PLEKHH2: variants seen among roughly 807,000 people sequenced by gnomAD.
PLEKHH2 encodes the protein pleckstrin homology, MyTH4 and FERM domain containing H2.
A neutral mutation model predicts 187.9 loss-of-function variants in PLEKHH2; 129 were observed. That is an observed-to-expected ratio of 0.69 (90% CI 0.59 to 0.79). The LOEUF (loss-of-function observed/expected upper bound fraction) is 0.79, where lower values mean the gene tolerates loss of function less well. Ranked by LOEUF, PLEKHH2 falls within the 30% of genes least tolerant of loss-of-function variation. The pLI, the probability that PLEKHH2 is intolerant of heterozygous loss-of-function variation, is 0.00. For synonymous variants in PLEKHH2, 686 were observed against 605.6 expected (o/e 1.13, Z -1.95); for missense variants, 2,076 against 1,751.2 (o/e 1.19, Z -3.31).
chr2:43,648,653 T>C (rs1035995766), intron 2 of PLEKHH2, among the ~76,000 whole-genome samples: 3 of 151,634 alleles, frequency 2.0e-5, no homozygotes, highest in African/African-American at 7.3e-5. Context: ...CAATCTTGGC[T>C]CACTGCAACC....
At chr2:43,710,837 G>A (rs1344346057) in intron 14 of PLEKHH2, 2 of 1,218,634 alleles carry the variant, frequency 1.6e-6, no homozygotes, top group Non-Finnish European at 2.0e-6. Flanking sequence ...TAATCTCCTA[G>A]GTATTTTCAG....
intron 20 of PLEKHH2, chr2:43,740,680 C>A (rs1016645993): frequency 3.5e-6 from 1 of 288,202 alleles, no homozygotes; most frequent in Non-Finnish European, 6.0e-6. Flanking sequence ...TTGAGTGTAA[C>A]GTCAAAAAGG....
intron 28 of PLEKHH2, among the ~76,000 whole-genome samples, chr2:43,763,586 ATTT>A (rs541418802): frequency 1.5e-5 from 2 of 130,370 alleles, no homozygotes; most frequent in East Asian, 2.2e-4. Flanking sequence ...TGCCCGGCTA[ATTT>A]TTTTTTTTTT....
At position 43,757,199 on chromosome 2, in the gene PLEKHH2, A is replaced by G. The variant is rs141952366; in HGVS notation, c.3876A>G (p.Leu1292=). The change falls in exon 26 of 30, where the codon CTA becomes CTG. Residue 1292 remains leucine, a synonymous_variant. Transcript: ENST00000282406. ...ATCAGTGCAAAGTGAATCAAACTCT[A>G]AAGCAAGTCATAGAGAAATTTTATC... ...VTNQCKVNQT[L]KQVIEKFYPK... The G allele has an allele frequency of 1.9e-6, 3 of 1,603,902 alleles. No individual in the cohort carries two copies. The highest frequency in any genetic ancestry group is 2.7e-5 in the African/African-American group (2 of 74,308).
chr2:43,682,282 T>C (rs970515205), intron 3 of PLEKHH2, among the ~76,000 whole-genome samples: 2 of 152,228 alleles, frequency 1.3e-5, no homozygotes, highest in Non-Finnish European at 2.9e-5. Context: ...TTTTGTTCTT[T>C]AATCAAAGTG....
At chr2:43,711,825 C>A (rs149821371) in intron 14 of PLEKHH2, 12,561 of 551,448 alleles carry the variant, frequency 0.023, 168 homozygotes, top group Non-Finnish European at 0.025. Context: ...ACCCAGGAGG[C>A]GGAGCTTGCA....
rs142215257 is a variant in PLEKHH2, at chr2:43,695,456, G to A, written c.502+232G>A. Among the ~76,000 whole-genome samples the A allele has an allele frequency of 3.2e-3, 480 of 152,300 alleles. 8 individuals carry two copies. The highest frequency in any genetic ancestry group is 0.017 in the Middle Eastern group (5 of 294). ...TGATGTCTACCAAAGTGGTCACTAC[G>A]TAGATCAGAAAAACATGACCAAATA... On this transcript the variant is annotated intron_variant, in intron 6 of 29. Transcript: ENST00000282406.
chr2:43,670,989 C>CT (rs756059732), intron 2 of PLEKHH2, among the ~76,000 whole-genome samples: 142 of 142,956 alleles, frequency 9.9e-4, no homozygotes, highest in Admixed American at 2.2e-3. Context: ...TTTTTTTTAA[C>CT]TTTTTTTTTT....
rs1671814983 is a variant in PLEKHH2, at chr2:43,747,109, C to CCCTCTCTCTCTCTCTCTCTCTCCCT, written c.3653+1147_3653+1148insCTCTCTCTCTCTCTCTCTCTCCCTC. On this transcript the variant is annotated intron_variant, in intron 24 of 29. Transcript: ENST00000282406. ...TTCTTTCTGTCTCTCTCTCTCTCTCCCTCTCTCTCTCTCTCTCTCTCTCTC... is the reference window on the plus strand; with the variant it reads ...TTCTTTCTGTCTCTCTCTCTCTCTCCCCTCTCTCTCTCTCTCTCTCTCCCTCTCTCTCTCTCTCTCTCTCTCTCTC... Among the ~76,000 whole-genome samples the CCCTCTCTCTCTCTCTCTCTCTCCCT allele has an allele frequency of 2.5e-4, 32 of 126,250 alleles. 2 individuals carry two copies. In the East Asian group the frequency reaches 5.6e-3, roughly 22 times the overall value. The allele number at this position is 126,250 out of a possible 152,430, so 82.8% of individuals were successfully genotyped here. A position where few individuals can be genotyped will look rare whatever the true frequency, so the allele number is the denominator to read the frequency against.
At chr2:43,659,771 C>G (rs1013321720) in intron 2 of PLEKHH2, among the ~76,000 whole-genome samples, 3 of 151,918 alleles carry the variant, frequency 2.0e-5, no homozygotes, top group Non-Finnish European at 4.4e-5. Flanking sequence ...GTTGGCCAGG[C>G]TGGTCTCGAA....
At chr2:43,726,211 A>G in intron 16 of PLEKHH2, 61 bp from the exon 17 acceptor site, 1 of 1,150,156 alleles carries the variant, frequency 8.7e-7, no homozygotes, top group East Asian at 2.5e-5. Flanking sequence ...GGACTATGAA[A>G]TGTTTTAGTA....
In PLEKHH2 at chr2:43,678,929, G is replaced by C. The variant is rs1175358315; in HGVS notation, c.186+4G>C. The C allele has an allele frequency of 5.6e-6, 9 of 1,602,436 alleles. No individual in the cohort carries two copies. The highest frequency in any genetic ancestry group is 1.3e-5 in the African/African-American group (1 of 74,760). On this transcript the variant is annotated splice_donor_region_variant and intron_variant, in intron 3 of 29. Transcript: ENST00000282406. ...AGCAGAAAAAGCTTTTCAACAGGTA[G>C]AGTATAATTTTACTTTAAATTTTTT...
intron 17 of PLEKHH2, among the ~76,000 whole-genome samples, chr2:43,727,543 C>T (rs2104562761): frequency 6.6e-6 from 1 of 151,512 alleles, no homozygotes; most frequent in South Asian, 2.1e-4. Flanking sequence ...AAAGATAATA[C>T]AGAAAACAAA....
intron 24 of PLEKHH2, among the ~76,000 whole-genome samples, chr2:43,752,192 G>T (rs1195979669): frequency 1.3e-5 from 2 of 152,096 alleles, no homozygotes; most frequent in Non-Finnish European, 2.9e-5. Flanking sequence ...AAAAAGAAAG[G>T]CTTTCATCTT....
intron 8 of PLEKHH2, among the ~76,000 whole-genome samples, chr2:43,701,967 C>G (rs1380578713): frequency 6.6e-6 from 1 of 152,104 alleles, no homozygotes; most frequent in Admixed American, 6.5e-5. Flanking sequence ...TGGGGTTTCA[C>G]CATGTTGGCC....
chr2:43,656,307 C>T (rs1276923954), intron 2 of PLEKHH2, among the ~76,000 whole-genome samples: 2 of 152,120 alleles, frequency 1.3e-5, no homozygotes, highest in African/African-American at 4.8e-5. Flanking sequence ...CAAAGCAAAT[C>T]TGTGTAATAC....
intron 24 of PLEKHH2, among the ~76,000 whole-genome samples, chr2:43,750,202 G>A (rs566517614): frequency 2.1e-4 from 32 of 152,200 alleles, no homozygotes; most frequent in African/African-American, 6.8e-4. Flanking sequence ...ACCAGGCACC[G>A]TGGCTCACGC....
chr2:43,684,895 C>G (rs1214552211), intron 3 of PLEKHH2, among the ~76,000 whole-genome samples: 4 of 149,242 alleles, frequency 2.7e-5, no homozygotes, highest in Non-Finnish European at 4.4e-5. Flanking sequence ...GTAGGCATTT[C>G]TTTTTGTCAC....
chr2:43,727,640 A>C (rs1200027085), intron 17 of PLEKHH2, among the ~76,000 whole-genome samples: 1 of 152,186 alleles, frequency 6.6e-6, no homozygotes, highest in Non-Finnish European at 1.5e-5. Context: ...GTTTTTGAGC[A>C]CATGTATCAG....
Sources: gnomAD v4.1 joint callset for allele counts (sites outside exome capture counted in the v4.1 genomes callset) on GRCh38, gnomAD v4.1.1 for gene constraint, MANE v1.5 for transcripts, NCBI Gene and HGNC (gene_info 2026-07-23, HGNC 2026-07-21) for gene names.